The following NTNG2 variants were observed in gnomAD, a reference collection of about 807,000 sequenced individuals.
The protein encoded by NTNG2 is netrin-G2.
A neutral mutation model predicts 47.6 loss-of-function variants in NTNG2; 15 were observed. The observed-to-expected ratio is 0.32, with a 90% CI of 0.21 to 0.49. NTNG2 has a LOEUF of 0.49. Among genes scored for constraint, NTNG2 ranks in the 20% least tolerant of loss-of-function variants. The pLI, the probability that NTNG2 is intolerant of heterozygous loss-of-function variation, is 0.99. For missense variants in NTNG2, 578 were observed against 764.6 expected (o/e 0.76, Z 2.88); for synonymous variants, 307 against 324.6 (o/e 0.95, Z 0.58).
rs1265931512 is a variant in NTNG2 at position 132,215,287 on chromosome 9, G to A, written c.858-11562G>A. Among the ~76,000 whole-genome samples the A allele has an allele frequency of 6.6e-6, 1 of 152,162 alleles. No individual in the cohort carries two copies. The highest frequency in any genetic ancestry group is 1.5e-5 in the Non-Finnish European group (1 of 68,028). On this transcript the variant is annotated intron_variant, in intron 3 of 7. Coordinates refer to ENST00000393229, the MANE Select transcript of NTNG2 (RefSeq NM_032536.4). The surrounding 1 kb of genome is among the most constrained non-coding windows in gnomAD (Gnocchi z 4.2). ...GGGCTCTGTGGGGAAATGACTCCAA[G>A]AGGCCAGTGGGGGCCAGGCATGGTG...
chr9:132,199,267 T>C (rs537778964), intron 3 of NTNG2, among the ~76,000 whole-genome samples: 137 of 152,244 alleles, frequency 9.0e-4, no homozygotes, highest in African/African-American at 3.2e-3. Flanking sequence ...TGGGCTCTCA[T>C]GTTCAGGGGT....
chr9:132,214,371 G>A (rs896271364), intron 3 of NTNG2, among the ~76,000 whole-genome samples: 7 of 152,214 alleles, frequency 4.6e-5, no homozygotes, highest in African/African-American at 1.7e-4. Context: ...CGCAGGGCAC[G>A]CTCCTGCCTG....
intron 2 of NTNG2, among the ~76,000 whole-genome samples, chr9:132,191,389 G>A (rs1340745702): frequency 6.6e-6 from 1 of 152,062 alleles, no homozygotes; most frequent in African/African-American, 2.4e-5. Context: ...GGGATTCTAG[G>A]TAATGTGAGA....
rs933613387 is a variant in NTNG2 at position 132,215,052 on chromosome 9, T to G, written c.858-11797T>G. ...CCACCATGCCCTGATAAATTTTGTG[T>G]TTTTTTTAATTTTTTTGTAGAGATT... On this transcript the variant is annotated intron_variant, in intron 3 of 7. Coordinates refer to ENST00000393229, the MANE Select transcript of NTNG2 (RefSeq NM_032536.4). This position sits in a 1 kb window ranked among gnomAD's most constrained non-coding sequence, Gnocchi z 4.2. 7.9e-5 allele frequency among the ~76,000 whole-genome samples: 9 copies of G among 114,076 alleles called. No homozygotes were observed. The highest frequency in any genetic ancestry group is 2.3e-4 in the African/African-American group (6 of 26,314). The allele number at this position is 114,076 out of a possible 152,430, so 74.8% of individuals were successfully genotyped here. A position where few individuals can be genotyped will look rare whatever the true frequency, so the allele number is the denominator to read the frequency against.
intron 3 of NTNG2, among the ~76,000 whole-genome samples, chr9:132,224,427 A>G (rs1564433008): frequency 6.6e-6 from 1 of 152,042 alleles, no homozygotes; most frequent in Non-Finnish European, 1.5e-5. Context: ...GAATGGTTTC[A>G]CCGCCCTAAA....
rs932705641 is a variant in NTNG2 at position 132,221,483 on chromosome 9, T to G, written c.858-5366T>G. Among the ~76,000 whole-genome samples the G allele has an allele frequency of 6.6e-6, 1 of 152,178 alleles. No homozygotes were observed. The highest frequency in any genetic ancestry group is 2.4e-5 in the African/African-American group (1 of 41,446). On this transcript the variant is annotated intron_variant, in intron 3 of 7. Transcript: ENST00000393229. The surrounding 1 kb of genome is among the most constrained non-coding windows in gnomAD (Gnocchi z 4.2). ...TCAGAGAGACCAGAAGCACCTGCAT[T>G]GACCAGGTGCCATGTGTGTGCCAGC...
chr9:132,205,058 G>A (rs1169680081), intron 3 of NTNG2, among the ~76,000 whole-genome samples: 1 of 152,214 alleles, frequency 6.6e-6, no homozygotes. Flanking sequence ...GGGGAGAACA[G>A]TATGGTGGCT....
intron 3 of NTNG2, among the ~76,000 whole-genome samples, chr9:132,225,219 TTTGTTTTGTC>T (rs983522738): frequency 9.9e-5 from 9 of 91,362 alleles, no homozygotes; most frequent in African/African-American, 2.8e-4. Flanking sequence ...GGCTGGCCCT[TTTGTTTTGTC>T]TTGTTTTGTT....
At chr9:132,216,408 CTCTCTCTGTGTGTGTGTGTA>C (rs1564426275) in intron 3 of NTNG2, among the ~76,000 whole-genome samples, 3 of 94,596 alleles carry the variant, frequency 3.2e-5, no homozygotes, top group African/African-American at 1.8e-4. Context: ...CTCTCTCTCT[CTCTCTCTGTGTGTGTGTGTA>C]TGTGTGTGTG....
Position 132,218,853 on chromosome 9 carries a change from G to C in NTNG2, c.858-7996G>C, listed in dbSNP as rs1041535001. On this transcript the variant is annotated intron_variant, in intron 3 of 7. Coordinates refer to ENST00000393229, the MANE Select transcript of NTNG2 (RefSeq NM_032536.4). The surrounding 1 kb of genome is among the most constrained non-coding windows in gnomAD (Gnocchi z 5.4). The stretch of plus-strand genomic sequence containing the variant: ...CAAATCTCTGAAGATTTTTAGGAGA[G>C]ATACTGCAAGAAAAGCCTGGAAGCT... Among the ~76,000 whole-genome samples, 3 of 152,156 alleles carry C rather than the reference G, an allele frequency of 2.0e-5. No individual in the cohort carries two copies. The highest frequency in any genetic ancestry group is 4.1e-4 in the South Asian group (2 of 4,826).
intron 3 of NTNG2, among the ~76,000 whole-genome samples, chr9:132,205,509 T>C (rs2130787843): frequency 1.3e-5 from 2 of 152,276 alleles, no homozygotes; most frequent in South Asian, 4.1e-4. Context: ...TTGCGATGAT[T>C]TAAAGTTCTG....
intron 2 of NTNG2, among the ~76,000 whole-genome samples, chr9:132,195,967 C>T (rs1423685373): frequency 1.3e-5 from 2 of 151,316 alleles, no homozygotes; most frequent in Non-Finnish European, 2.9e-5. Context: ...GACAGGGTCT[C>T]TCTGTGTTGC....
intron 3 of NTNG2, among the ~76,000 whole-genome samples, chr9:132,220,709 A>G (rs974652053): frequency 3.3e-5 from 5 of 151,940 alleles, no homozygotes; most frequent in Non-Finnish European, 5.9e-5. Context: ...CAGCCTCCGA[A>G]AGTGCTCAGA....
intron 7 of NTNG2, 62 bp downstream of exon 7, chr9:132,241,106 C>T: frequency 6.7e-7 from 1 of 1,495,024 alleles, no homozygotes; most frequent in South Asian, 1.3e-5. Flanking sequence ...AGGACCGAGG[C>T]AGTGGGCGGG....
In NTNG2 at chr9:132,242,004, G is replaced by C. The variant is rs770784512; in HGVS notation, c.1486G>C (p.Asp496His). 1.4e-6 allele frequency: 2 copies of C among 1,473,702 alleles called. No individual in the cohort carries two copies. Among genetic ancestry groups the C allele is most frequent in the South Asian group, 2.6e-5 (2 of 78,004 alleles). The allele number at this position is 1,473,702 out of a possible 1,614,324, so 91.3% of individuals were successfully genotyped here. A position where few individuals can be genotyped will look rare whatever the true frequency, so the allele number is the denominator to read the frequency against. The change falls in exon 8 of 8, where the codon GAT (aspartate) becomes CAT (histidine). Residue 496 changes from aspartate (D) to histidine (H), a missense_variant. Transcript: ENST00000393229. The surrounding 1 kb of genome is among the most constrained non-coding windows in gnomAD (Gnocchi z 5.9). The part of the protein sequence containing the change: ...CEQPRCDPAD[D>H]DGGLDCDRAP... ...GCAGCCCCGCTGCGACCCCGCCGAC[G>C]ATGACGGCGGTCTGGACTGCGACCG...
At chr9:132,204,818 G>A (rs1318370232) in intron 3 of NTNG2, among the ~76,000 whole-genome samples, 1 of 152,186 alleles carries the variant, frequency 6.6e-6, no homozygotes, top group African/African-American at 2.4e-5. Flanking sequence ...GCTCGTGCCT[G>A]TAATCCTAGC....
intron 3 of NTNG2, among the ~76,000 whole-genome samples, chr9:132,225,232 G>GT (rs959905109): frequency 9.4e-4 from 142 of 150,508 alleles, no homozygotes; most frequent in African/African-American, 3.3e-3. Flanking sequence ...GTTTTGTCTT[G>GT]TTTTGTTTTT....
chr9:132,162,006 T>A (rs909411639), upstream of NTNG2: 7 of 149,242 alleles, frequency 4.7e-5, no homozygotes, highest in Non-Finnish European at 9.0e-5. The surrounding 1 kb of genome is among the most constrained non-coding windows in gnomAD (Gnocchi z 4.6). Context: ...GGCCCGCGTC[T>A]CCGGGACGGC....
chr9:132,187,045 A>C (rs1349803626), intron 2 of NTNG2, among the ~76,000 whole-genome samples: 2 of 152,366 alleles, frequency 1.3e-5, no homozygotes, highest in African/African-American at 2.4e-5. Context: ...TGAGCAACCA[A>C]GGAACTGAGA....
Sources: gnomAD v4.1 joint callset for allele counts (sites outside exome capture counted in the v4.1 genomes callset) on GRCh38, gnomAD v4.1.1 for gene constraint, Gnocchi (gnomAD v3.1) non-coding constraint, MANE v1.5 for transcripts, NCBI Gene and HGNC (gene_info 2026-07-23, HGNC 2026-07-21) for gene names.